Variants in LINGO1 observed in about 807,000 individuals in gnomAD.
LINGO1 encodes the protein leucine rich repeat and Ig domain containing 1.
Under a neutral mutation model 37.3 loss-of-function variants are expected in LINGO1, and 11 were observed. The observed-to-expected ratio is 0.29, with a 90% CI of 0.19 to 0.49. The LOEUF (loss-of-function observed/expected upper bound fraction) is 0.49. LINGO1 is among the 20% of genes least tolerant of loss of function. LINGO1 has a pLI of 0.99. For synonymous variants in LINGO1, 387 were observed against 403.0 expected, an observed-to-expected ratio of 0.96 and a Z score of 0.48; for missense variants, 585 against 878.2, an observed-to-expected ratio of 0.67 and a Z score of 4.22.
At chr15:77,800,964 T>C (rs903430467) in intron 1 of LINGO1, among the ~76,000 whole-genome samples, 1 of 152,198 alleles carries the variant, frequency 6.6e-6, no homozygotes, top group Non-Finnish European at 1.5e-5. Flanking sequence ...GAAAGTGACA[T>C]GCTACCATTT....
rs746499302 is a variant in LINGO1 at position 77,614,448 on chromosome 15, C to A, written c.1459G>T (p.Ala487Ser). The change falls in exon 2 of 2, where the codon GCC (alanine) becomes TCC (serine). Residue 487 changes from alanine to serine, a missense_variant. By Grantham distance (99) the Ala-to-Ser change is moderately conservative (BLOSUM62 1). This residue lies in a region of LINGO1 where 484 missense variants were observed against 735.0 expected (regional missense o/e 0.66). Transcript: ENST00000355300. ...TACGTGCCGTTGTCCTGTACCTGGG[C>A]GTAGCGCACCTCCAGCGTGCCATCA... ...FPDGTLEVRY[A>S]QVQDNGTYLC... 12 of 1,611,070 alleles carry A rather than the reference C, an allele frequency of 7.4e-6. No individual in the cohort carries two copies. Among genetic ancestry groups the A allele is most frequent in the Non-Finnish European group, 7.6e-6 (9 of 1,179,802 alleles).
rs1382971500 is a variant in LINGO1 at position 77,704,382 on chromosome 15, A to G, written c.-194-13481T>C. Among the ~76,000 whole-genome samples the G allele has an allele frequency of 2.4e-3, 365 of 150,802 alleles. 5 individuals are homozygous for G. Among genetic ancestry groups the G allele is most frequent in the African/African-American group, 8.8e-3 (355 of 40,544 alleles). On this transcript the variant is annotated intron_variant, in intron 2 of 3. Coordinates refer to the LINGO1 transcript ENST00000561686. ...AGCCCCGACGCTGGTCACATACTGA[A>G]CCCCGACCCTGATCACAGATTGAAC...
chr15:77,780,976 G>A (rs2076711245), intron 1 of LINGO1, among the ~76,000 whole-genome samples: 1 of 152,364 alleles, frequency 6.6e-6, no homozygotes, highest in East Asian at 1.9e-4. Flanking sequence ...AAGAAGTCAA[G>A]GAGAGCTTCC....
chr15:77,622,779 G>A (rs768167557), intron 1 of LINGO1, among the ~76,000 whole-genome samples: 3 of 152,194 alleles, frequency 2.0e-5, no homozygotes, highest in Non-Finnish European at 2.9e-5. Flanking sequence ...TCCTTCTGTC[G>A]CAGCGGCCAA....
chr15:77,752,871 C>A (rs2076385676), intron 1 of LINGO1, among the ~76,000 whole-genome samples: 1 of 152,210 alleles, frequency 6.6e-6, no homozygotes, highest in Non-Finnish European at 1.5e-5. Flanking sequence ...ATCACTCATA[C>A]ACAGACCAGC....
intron 1 of LINGO1, among the ~76,000 whole-genome samples, chr15:77,778,859 G>A (rs1014451485): frequency 2.6e-5 from 4 of 152,040 alleles, no homozygotes; most frequent in Admixed American, 6.6e-5. Flanking sequence ...AAAACCCTGC[G>A]GTGACTCCAG....
At chr15:77,656,776 T>C (rs2074875977) in intron 3 of LINGO1, among the ~76,000 whole-genome samples, 1 of 152,222 alleles carries the variant, frequency 6.6e-6, no homozygotes, top group South Asian at 2.1e-4. Flanking sequence ...CCATGATACA[T>C]GCCCTGGACT....
chr15:77,717,515 C>T (rs1382871834), intron 2 of LINGO1, among the ~76,000 whole-genome samples: 2 of 150,742 alleles, frequency 1.3e-5, no homozygotes, highest in African/African-American at 4.8e-5. Flanking sequence ...TGGCACACCA[C>T]GTGTGAGAGG....
chr15:77,681,509 G>A (rs1010288252), intron 2 of LINGO1, among the ~76,000 whole-genome samples: 1 of 152,194 alleles, frequency 6.6e-6, no homozygotes, highest in East Asian at 1.9e-4. Context: ...CAGAGGCCCA[G>A]GCAATGTTGT....
intron 1 of LINGO1, among the ~76,000 whole-genome samples, chr15:77,759,400 A>G (rs989492447): frequency 6.6e-6 from 1 of 152,148 alleles, no homozygotes; most frequent in African/African-American, 2.4e-5. Context: ...TAACTCCCCA[A>G]CTGCCAGAGG....
At chr15:77,658,285 C>T (rs547280131) in intron 3 of LINGO1, among the ~76,000 whole-genome samples, 4 of 152,320 alleles carry the variant, frequency 2.6e-5, no homozygotes, top group African/African-American at 9.6e-5. Context: ...CTCTCTGGGA[C>T]TCCCAAAGCC....
chr15:77,701,503 T>A (rs1304275761), intron 2 of LINGO1, among the ~76,000 whole-genome samples: 1 of 152,102 alleles, frequency 6.6e-6, no homozygotes, highest in Non-Finnish European at 1.5e-5. Flanking sequence ...GTGATATAGT[T>A]TGGGTGTCTG....
chr15:77,683,088 TCA>T (rs1321577254), intron 2 of LINGO1, among the ~76,000 whole-genome samples: 1 of 152,160 alleles, frequency 6.6e-6, no homozygotes, highest in Non-Finnish European at 1.5e-5. Context: ...AACAGTCCAT[TCA>T]CAGAGGAAGA....
upstream of LINGO1, among the ~76,000 whole-genome samples, chr15:77,637,239 G>C (rs1478483278): frequency 6.6e-6 from 1 of 152,250 alleles, no homozygotes; most frequent in African/African-American, 2.4e-5. The surrounding 1 kb of genome is among the most constrained non-coding windows in gnomAD (Gnocchi z 4.6). Context: ...TTGGTGTGGA[G>C]ATATGCAGGT....
At chr15:77,632,954 A>C (rs1326966521), upstream of LINGO1, among the ~76,000 whole-genome samples, 1 of 140,748 alleles carries the variant, frequency 7.1e-6, no homozygotes, top group South Asian at 2.3e-4. The surrounding 1 kb of genome is among the most constrained non-coding windows in gnomAD (Gnocchi z 6.0). Context: ...GGGAGGAGGG[A>C]GCGAGTGAGC....
intron 2 of LINGO1, among the ~76,000 whole-genome samples, chr15:77,704,698 G>A (rs1319637576): frequency 3.5e-5 from 5 of 143,358 alleles, no homozygotes; most frequent in Non-Finnish European, 7.7e-5. Context: ...GACTGGGCTC[G>A]GACCCTGGTC....
In LINGO1 at chr15:77,794,292, A is replaced by ATG. The variant is rs201688555; in HGVS notation, c.-343+1645_-343+1646dup. Among the ~76,000 whole-genome samples the ATG allele has an allele frequency of 5.4e-4, 49 of 91,040 alleles. 3 individuals are homozygous for ATG. Among genetic ancestry groups the ATG allele is most frequent in the Non-Finnish European group, 8.9e-4 (40 of 44,902 alleles). The allele number at this position is 91,040 out of a possible 152,430, so 59.7% of individuals were successfully genotyped here. On this transcript the variant is annotated intron_variant, in intron 2 of 5. Transcript: ENST00000562933. ...GAAACATATACATATATATATATGT[A>ATG]TGTATATATATACATATATGTGTAT... is the stretch of plus-strand genomic sequence containing the variant.
intron 3 of LINGO1, among the ~76,000 whole-genome samples, chr15:77,662,585 C>G (rs2075019625): frequency 6.6e-6 from 1 of 152,144 alleles, no homozygotes; most frequent in Non-Finnish European, 1.5e-5. Flanking sequence ...TTCCTTGGCC[C>G]TGGGTTTCCC....
intron 2 of LINGO1, among the ~76,000 whole-genome samples, chr15:77,723,355 G>C (rs1596157255): frequency 6.6e-6 from 1 of 152,182 alleles, no homozygotes; most frequent in Non-Finnish European, 1.5e-5. Flanking sequence ...GACCTGCTAA[G>C]AGTCATCCTG....
Sources: allele counts gnomAD v4.1 joint callset (sites outside exome capture counted in the v4.1 genomes callset), GRCh38; gene constraint gnomAD v4.1.1; regional missense constraint gnomAD v4.1.1; non-coding constraint Gnocchi (gnomAD v3.1); transcripts MANE v1.5; gene names NCBI Gene and HGNC (gene_info 2026-07-23, HGNC 2026-07-21).